Variants in ITGBL1 observed in about 807,000 individuals in gnomAD.
ITGBL1 encodes integrin subunit beta like 1, also known as integrin beta-like protein 1.
Under a neutral mutation model 68.5 loss-of-function variants are expected in ITGBL1, and 51 were observed. The ratio of observed to expected loss-of-function variants is 0.74; its 90% CI spans 0.59 to 0.94. ITGBL1 has a LOEUF of 0.94. Ranked by LOEUF, ITGBL1 falls within the 40% of genes least tolerant of loss-of-function variation. The pLI is 0.00. For synonymous variants in ITGBL1, 209 were observed against 227.3 expected (o/e 0.92, Z 0.72); for missense variants, 649 against 647.4 (o/e 1.00, Z -0.03).
intron 2 of ITGBL1, among the ~76,000 whole-genome samples, chr13:101,519,675 T>C (rs2049253119): frequency 6.6e-6 from 1 of 152,296 alleles, no homozygotes; most frequent in African/African-American, 2.4e-5. Flanking sequence ...AACACCTACT[T>C]ATATCATTAT....
chr13:101,481,699 T>A (rs1359130772), intron 2 of ITGBL1, among the ~76,000 whole-genome samples: 2 of 152,182 alleles, frequency 1.3e-5, no homozygotes, highest in Non-Finnish European at 2.9e-5. Flanking sequence ...TAAATCTTTT[T>A]AAATTCATTC....
chr13:101,718,631 T>A (rs1401313202), downstream of ITGBL1: 2 of 152,054 alleles, frequency 1.3e-5, no homozygotes, highest in Admixed American at 6.6e-5. Context: ...TGCTAAGTCA[T>A]AAGAGGAGAG....
intron 2 of ITGBL1, among the ~76,000 whole-genome samples, chr13:101,521,735 C>G (rs2049288258): frequency 6.6e-6 from 1 of 152,176 alleles, no homozygotes; most frequent in South Asian, 2.1e-4. Flanking sequence ...TGCCCCTTTC[C>G]TGATGTATCC....
At chr13:101,488,046 G>A (rs912622113) in intron 2 of ITGBL1, among the ~76,000 whole-genome samples, 1 of 152,184 alleles carries the variant, frequency 6.6e-6, no homozygotes, top group Non-Finnish European at 1.5e-5. Flanking sequence ...CCTCCCTCAT[G>A]ATGAGAAGGG....
At chr13:101,455,220 A>AT (rs1232115991) in intron 2 of ITGBL1, among the ~76,000 whole-genome samples, 11 of 152,130 alleles carry the variant, frequency 7.2e-5, no homozygotes, top group Non-Finnish European at 1.2e-4. Context: ...ATAGCAAAAT[A>AT]TTTTTTTCTC....
At chr13:101,631,604 T>C (rs2031980911) in intron 7 of ITGBL1, among the ~76,000 whole-genome samples, 1 of 152,168 alleles carries the variant, frequency 6.6e-6, no homozygotes, top group Non-Finnish European at 1.5e-5. Flanking sequence ...ATGAGCTAAC[T>C]ATAGGATGTG....
intron 3 of ITGBL1, among the ~76,000 whole-genome samples, chr13:101,569,744 A>C (rs1243738352): frequency 6.6e-6 from 1 of 152,152 alleles, no homozygotes; most frequent in Non-Finnish European, 1.5e-5. Context: ...TTCATAATAC[A>C]TATTCTTAGG....
chr13:101,558,244 C>T (rs1163340073), intron 2 of ITGBL1, among the ~76,000 whole-genome samples: 2 of 151,768 alleles, frequency 1.3e-5, no homozygotes, highest in Non-Finnish European at 2.9e-5. Context: ...TTCTCACTTA[C>T]AAGAGAATGA....
intron 7 of ITGBL1, among the ~76,000 whole-genome samples, chr13:101,679,095 A>T (rs548510281): frequency 1.3e-5 from 2 of 151,690 alleles, no homozygotes; most frequent in Admixed American, 1.3e-4. Context: ...TTTAGTAGAC[A>T]TGCGGTTTCA....
intron 7 of ITGBL1, among the ~76,000 whole-genome samples, chr13:101,601,797 G>C (rs564402230): frequency 1.3e-5 from 2 of 152,130 alleles, no homozygotes; most frequent in Non-Finnish European, 2.9e-5. Context: ...TGTGGTCTGA[G>C]AGACAGTTTG....
intron 8 of ITGBL1, among the ~76,000 whole-genome samples, chr13:101,695,422 T>G (rs1032742872): frequency 6.6e-6 from 1 of 152,152 alleles, no homozygotes; most frequent in Non-Finnish European, 1.5e-5. Flanking sequence ...GTGACGTGTT[T>G]TGTAAACATG....
intron 7 of ITGBL1, among the ~76,000 whole-genome samples, chr13:101,632,035 A>G (rs1297926983): frequency 6.6e-6 from 1 of 152,222 alleles, no homozygotes; most frequent in African/African-American, 2.4e-5. Context: ...AACTATAAAA[A>G]TTGATTGAAT....
chr13:101,608,211 A>G (rs2030962611), intron 7 of ITGBL1, among the ~76,000 whole-genome samples: 1 of 152,054 alleles, frequency 6.6e-6, no homozygotes, highest in African/African-American at 2.4e-5. Context: ...CAATTCCCTT[A>G]CCTAGGAACA....
chr13:101,676,708 A>G (rs2033511691), intron 7 of ITGBL1, among the ~76,000 whole-genome samples: 1 of 152,160 alleles, frequency 6.6e-6, no homozygotes, highest in East Asian at 1.9e-4. Flanking sequence ...ATTTTTGGTA[A>G]TCTAAAAATT....
chr13:101,581,440 G>C (rs2050456304), intron 5 of ITGBL1, among the ~76,000 whole-genome samples: 1 of 152,092 alleles, frequency 6.6e-6, no homozygotes, highest in Non-Finnish European at 1.5e-5. Flanking sequence ...TTTGGTACAT[G>C]AGCTTTCAGT....
chr13:101,566,101 A>G (rs1230822392), intron 2 of ITGBL1, among the ~76,000 whole-genome samples: 2 of 152,180 alleles, frequency 1.3e-5, no homozygotes, highest in Non-Finnish European at 2.9e-5. Flanking sequence ...TACTGCTACC[A>G]TAATGCTTTA....
intron 8 of ITGBL1, among the ~76,000 whole-genome samples, chr13:101,702,090 G>T (rs934867488): frequency 6.6e-6 from 1 of 152,144 alleles, no homozygotes. Flanking sequence ...GGTTTTAATA[G>T]ATTGTGTCTT....
intron 2 of ITGBL1, among the ~76,000 whole-genome samples, chr13:101,467,115 CCTGGAGTGCT>C (rs1330053246): frequency 6.6e-6 from 1 of 152,112 alleles, no homozygotes; most frequent in Non-Finnish European, 1.5e-5. Flanking sequence ...CACTAATGAG[CCTGGAGTGCT>C]CATGACCTAA....
chr13:101,513,277 T>A (rs920072264), intron 2 of ITGBL1, among the ~76,000 whole-genome samples: 1 of 152,036 alleles, frequency 6.6e-6, no homozygotes, highest in African/African-American at 2.4e-5. Context: ...CAAATGCCTC[T>A]CAGGTGTGAC....
Sources: gnomAD v4.1 joint callset for allele counts (sites outside exome capture counted in the v4.1 genomes callset) on GRCh38, gnomAD v4.1.1 for gene constraint, MANE v1.5 for transcripts, NCBI Gene and HGNC (gene_info 2026-07-23, HGNC 2026-07-21) for gene names.